Variants in CFAP299 observed in about 807,000 individuals in gnomAD.
The protein encoded by CFAP299 is cilia- and flagella-associated protein 299.
Under a neutral mutation model 27.0 loss-of-function variants are expected in CFAP299, and 21 were observed. The observed-to-expected ratio is 0.78, with a 90% CI of 0.55 to 1.12. The LOEUF is 1.12. Among genes scored for constraint, CFAP299 ranks in the 50% most tolerant of loss-of-function variants. CFAP299 has a pLI of 0.00. For missense variants in CFAP299, 310 were observed against 276.6 expected, an observed-to-expected ratio of 1.12 and a Z score of -0.86; for synonymous variants, 104 against 98.1, an observed-to-expected ratio of 1.06 and a Z score of -0.36.
intron 3 of CFAP299, among the ~76,000 whole-genome samples, chr4:80,634,521 G>T (rs1739392879): frequency 6.6e-6 from 1 of 151,886 alleles, no homozygotes; most frequent in South Asian, 2.1e-4. Flanking sequence ...TTAAAATTGT[G>T]CCTGCTGTTT....
At position 80,447,197 on chromosome 4, in the gene CFAP299, G is replaced by A. The variant is rs556388518; in HGVS notation, c.242+84313G>A. ...GTCACCCAGGCTGGAGTGCAGTGGCGGGATCTCGGCTCACTGCAAGCTCCG... is the reference window on the plus strand; with the variant it reads ...GTCACCCAGGCTGGAGTGCAGTGGCAGGATCTCGGCTCACTGCAAGCTCCG... On this transcript the variant is annotated intron_variant, in intron 2 of 5. Coordinates refer to ENST00000358105, the MANE Select transcript of CFAP299 (RefSeq NM_152770.3). 4.8e-3 allele frequency among the ~76,000 whole-genome samples: 664 copies of A among 139,722 alleles called. 5 individuals carry two copies. The highest frequency in any genetic ancestry group is 7.7e-3 in the Non-Finnish European group (501 of 65,206). The allele number at this position is 139,722 out of a possible 152,430, so 91.7% of individuals were successfully genotyped here. A position where few individuals can be genotyped will look rare whatever the true frequency, so the allele number is the denominator to read the frequency against.
intron 4 of CFAP299, among the ~76,000 whole-genome samples, chr4:80,908,846 C>T (rs1047652081): frequency 6.6e-6 from 1 of 152,078 alleles, no homozygotes; most frequent in African/African-American, 2.4e-5. Flanking sequence ...TAAAACACAA[C>T]TCTGGATTTA....
At chr4:80,562,472 C>T (rs368465794) in intron 2 of CFAP299, among the ~76,000 whole-genome samples, 65 of 149,946 alleles carry the variant, frequency 4.3e-4, no homozygotes, top group African/African-American at 1.4e-3. Context: ...GTGGCGGGTG[C>T]CCGTAATCCC....
Position 80,335,886 on chromosome 4 carries a change from G to T in CFAP299, c.111+7G>T, listed in dbSNP as rs1229067084. On this transcript the variant is annotated splice_region_variant and intron_variant, in intron 1 of 5. Transcript: ENST00000358105. The stretch of plus-strand genomic sequence containing the variant: ...GGACTTGTACTACCTGGAGGTAAGG[G>T]CGGAGCGCGGCAGAGTAGCCGCCGC... 1.3e-6 allele frequency: 2 copies of T among 1,568,478 alleles called. No individual in the cohort carries two copies. The highest frequency in any genetic ancestry group is 1.8e-6 in the Non-Finnish European group (2 of 1,138,550).
At chr4:80,554,507 T>TTG (rs927167818) in intron 2 of CFAP299, among the ~76,000 whole-genome samples, 3 of 120,342 alleles carry the variant, frequency 2.5e-5, no homozygotes, top group Admixed American at 8.4e-5. Flanking sequence ...TTCCACTAGT[T>TTG]TTTTTTTTTT....
At chr4:80,854,372 G>A (rs751836004) in intron 3 of CFAP299, among the ~76,000 whole-genome samples, 17 of 150,814 alleles carry the variant, frequency 1.1e-4, no homozygotes, top group Non-Finnish European at 1.6e-4. Flanking sequence ...GCAGACATGC[G>A]GGACTGTAAT....
intron 2 of CFAP299, among the ~76,000 whole-genome samples, chr4:80,476,118 A>G (rs1317039015): frequency 6.6e-6 from 1 of 152,178 alleles, no homozygotes; most frequent in Non-Finnish European, 1.5e-5. Context: ...GAATTCTCCA[A>G]ACTCAAGGAA....
At chr4:80,901,681 T>A (rs1734905969) in intron 4 of CFAP299, among the ~76,000 whole-genome samples, 1 of 152,102 alleles carries the variant, frequency 6.6e-6, no homozygotes, top group African/African-American at 2.4e-5. Flanking sequence ...AGACTACATA[T>A]TTAATCATTA....
intron 3 of CFAP299, among the ~76,000 whole-genome samples, chr4:80,662,808 G>C (rs1377966743): frequency 6.6e-6 from 1 of 152,072 alleles, no homozygotes; most frequent in African/African-American, 2.4e-5. Context: ...AGCTGGTCAG[G>C]GGCCAGCACT....
intron 2 of CFAP299, among the ~76,000 whole-genome samples, chr4:80,519,435 G>T (rs967433488): frequency 2.6e-5 from 4 of 152,118 alleles, no homozygotes; most frequent in East Asian, 1.9e-4. Flanking sequence ...TCTAACTCCT[G>T]ATCTCAAGTG....
At chr4:80,407,251 G>A (rs774154916) in intron 2 of CFAP299, among the ~76,000 whole-genome samples, 2 of 151,830 alleles carry the variant, frequency 1.3e-5, no homozygotes, top group Non-Finnish European at 2.9e-5. Context: ...AGTTATCTAC[G>A]GTCATGAAAA....
chr4:80,734,829 G>T (rs987416923), intron 3 of CFAP299, among the ~76,000 whole-genome samples: 2 of 151,986 alleles, frequency 1.3e-5, no homozygotes, highest in Non-Finnish European at 2.9e-5. Flanking sequence ...CTATGTGTCT[G>T]TGTGCCAGTA....
intron 2 of CFAP299, among the ~76,000 whole-genome samples, chr4:80,556,189 A>G (rs1734770313): frequency 6.6e-6 from 1 of 152,004 alleles, no homozygotes; most frequent in Admixed American, 6.6e-5. Flanking sequence ...TTTGTCTCTA[A>G]TCCAATGGCA....
intron 2 of CFAP299, among the ~76,000 whole-genome samples, chr4:80,536,371 G>A (rs1264610933): frequency 6.6e-6 from 1 of 152,136 alleles, no homozygotes; most frequent in Non-Finnish European, 1.5e-5. Context: ...TACTCAATCA[G>A]TAACTCTAAA....
At chr4:80,640,955 T>C (rs930808790) in intron 3 of CFAP299, among the ~76,000 whole-genome samples, 2 of 152,210 alleles carry the variant, frequency 1.3e-5, no homozygotes, top group Non-Finnish European at 2.9e-5. Flanking sequence ...CTATATGCAT[T>C]AATTAAAATT....
chr4:80,942,592 G>C (rs1425432641), intron 4 of CFAP299, among the ~76,000 whole-genome samples: 1 of 152,030 alleles, frequency 6.6e-6, no homozygotes, highest in Non-Finnish European at 1.5e-5. Flanking sequence ...TTCATCAAAA[G>C]AATCATGTTC....
At chr4:80,939,718 A>C (rs1319730790) in intron 4 of CFAP299, among the ~76,000 whole-genome samples, 1 of 152,098 alleles carries the variant, frequency 6.6e-6, no homozygotes, top group Non-Finnish European at 1.5e-5. Context: ...TTGATTCTTC[A>C]TATTTTTAAA....
intron 3 of CFAP299, among the ~76,000 whole-genome samples, chr4:80,838,023 G>C (rs1048680138): frequency 2.6e-5 from 4 of 152,154 alleles, no homozygotes; most frequent in African/African-American, 9.7e-5. Flanking sequence ...AATGACCAGT[G>C]ATGATTAGCT....
chr4:80,773,592 T>A (rs1726347549), intron 3 of CFAP299, among the ~76,000 whole-genome samples: 1 of 152,140 alleles, frequency 6.6e-6, no homozygotes, highest in African/African-American at 2.4e-5. Context: ...AATTTTCCTT[T>A]AAGTCCTGGC....
Sources: allele counts gnomAD v4.1 joint callset (sites outside exome capture counted in the v4.1 genomes callset), GRCh38; gene constraint gnomAD v4.1.1; transcripts MANE v1.5; gene names NCBI Gene and HGNC (gene_info 2026-07-23, HGNC 2026-07-21).